The following TECTA variants were observed in gnomAD, a reference collection of about 807,000 sequenced individuals.
The protein encoded by TECTA is alpha-tectorin.
In TECTA, 128 loss-of-function variants were observed where a neutral mutation model predicts 216.8. That is an observed-to-expected ratio of 0.59 (90% CI 0.51 to 0.68). The LOEUF (loss-of-function observed/expected upper bound fraction) is 0.68, where lower values mean the gene tolerates loss of function less well. TECTA is among the 30% of genes least tolerant of loss of function. TECTA has a pLI of 0.00. For missense variants in TECTA, 2,551 were observed against 2,786.2 expected (o/e 0.92, Z 1.90); for synonymous variants, 1,089 against 1,117.1 (o/e 0.97, Z 0.50).
intron 4 of TECTA, among the ~76,000 whole-genome samples, chr11:121,111,897 G>A (rs980344476): frequency 2.0e-5 from 3 of 152,124 alleles, no homozygotes; most frequent in Non-Finnish European, 2.9e-5. Flanking sequence ...GGGAAGAAAA[G>A]TTCTTTACAA....
At chr11:121,145,487 T>C in intron 11 of TECTA, 68 bp from the exon 12 acceptor site, 3 of 1,543,966 alleles carry the variant, frequency 1.9e-6, no homozygotes, top group Non-Finnish European at 2.7e-6. Flanking sequence ...AAGAGACTCA[T>C]CGTTAGGAGA....
chr11:121,137,325 AACACACATGCACTCAT>A, intron 10 of TECTA, 80 bp from the exon 11 acceptor site: 2 of 1,530,928 alleles, frequency 1.3e-6, no homozygotes, highest in South Asian at 1.1e-5. Context: ...TGCACTCACA[AACACACATGCACTCAT>A]ACACACATGC....
chr11:121,176,543 C>T lies in TECTA; in HGVS notation c.5999+7618C>T, dbSNP rs541435343. ...CTTGTAGAGTTTCTGCCAAGAGATCCGCTGTTAGTCTGATGGGCTTCCCTT... is the reference window on the plus strand; with the variant it reads ...CTTGTAGAGTTTCTGCCAAGAGATCTGCTGTTAGTCTGATGGGCTTCCCTT... On this transcript the variant is annotated intron_variant, in intron 20 of 23. Coordinates refer to ENST00000392793, the MANE Select transcript of TECTA (RefSeq NM_005422.4). Among the ~76,000 whole-genome samples, 28 of 116,748 alleles carry T rather than the reference C, an allele frequency of 2.4e-4. 3 individuals carry two copies. Among genetic ancestry groups the T allele is most frequent in the Non-Finnish European group, 3.8e-4 (23 of 61,308 alleles). The allele number at this position is 116,748 out of a possible 152,430, so 76.6% of individuals were successfully genotyped here.
chr11:121,110,564 A>T (rs1467061065), intron 4 of TECTA: 1 of 152,224 alleles, frequency 6.6e-6, no homozygotes, highest in Non-Finnish European at 1.5e-5. Flanking sequence ...ACAGCGATGC[A>T]TTGGCTAGAA....
At chr11:121,116,670 AG>A (rs35187742) in intron 6 of TECTA, among the ~76,000 whole-genome samples, 1 of 152,216 alleles carries the variant, frequency 6.6e-6, no homozygotes, top group African/African-American at 2.4e-5. Flanking sequence ...GGGGTATAGC[AG>A]GGGAAGTGTT....
intron 19 of TECTA, 157 bp from the exon 20 acceptor site, chr11:121,168,520 C>T: frequency 9.6e-7 from 1 of 1,045,638 alleles, no homozygotes. Context: ...ATGTAAATTG[C>T]CCCATGTGGC....
At chr11:121,135,345 C>T (rs910986833) in intron 10 of TECTA, among the ~76,000 whole-genome samples, 4 of 152,224 alleles carry the variant, frequency 2.6e-5, no homozygotes, top group African/African-American at 9.6e-5. Flanking sequence ...TATTACTCCA[C>T]GTCTGTGTGT....
chr11:121,158,066 T>C lies in TECTA; in HGVS notation c.4531T>C (p.Phe1511Leu). The change falls in exon 14 of 24, where the codon TTC becomes CTC. Residue 1511 changes from phenylalanine (F) to leucine (L), a missense_variant. Phe to Leu is a conservative substitution (Grantham distance 22, BLOSUM62 0). Transcript: ENST00000392793. ...AFLRFPANCA[F>L]VLSTICQKLP... ...CCTGCGCTTCCCAGCCAACTGCGCC[T>C]TCGTGCTGTCCACCATCTGCCAGAA... 1 of 1,613,864 alleles carries C rather than the reference T, an allele frequency of 6.2e-7. No individual in the cohort carries two copies. The highest frequency in any genetic ancestry group is 8.5e-7 in the Non-Finnish European group (1 of 1,179,988).
At chr11:121,170,377 G>A (rs1186203985) in intron 20 of TECTA, among the ~76,000 whole-genome samples, 1 of 152,062 alleles carries the variant, frequency 6.6e-6, no homozygotes, top group African/African-American at 2.4e-5. Flanking sequence ...CCCAGTAGTG[G>A]CCTTGCTGGA....
Position 121,109,426 on chromosome 11 carries a change from C to T in TECTA, c.414C>T (p.Thr138=), listed in dbSNP as rs766293936. ...GGAAGTACTTCAAAGACATGGCAAC[C>T]TTCTCTGCCACTTGGGTTTTCATTG... ...DIRKYFKDMA[T]FSATWVFIVT... The change falls in exon 4 of 24, where the codon ACC becomes ACT. Residue 138 remains threonine (T), a synonymous_variant. Coordinates refer to ENST00000392793, the MANE Select transcript of TECTA (RefSeq NM_005422.4). 9 of 1,614,036 alleles carry T rather than the reference C, an allele frequency of 5.6e-6. No individual in the cohort carries two copies. The highest frequency in any genetic ancestry group is 4.0e-5 in the African/African-American group (3 of 74,900).
chr11:121,140,050 C>T (rs958785757), intron 11 of TECTA, among the ~76,000 whole-genome samples: 17 of 152,194 alleles, frequency 1.1e-4, no homozygotes, highest in African/African-American at 4.1e-4. Context: ...CCTTGACATT[C>T]GGTGCTCTTT....
intron 20 of TECTA, among the ~76,000 whole-genome samples, chr11:121,171,654 A>T (rs1434103221): frequency 6.6e-6 from 1 of 151,886 alleles, no homozygotes; most frequent in Non-Finnish European, 1.5e-5. Flanking sequence ...TTATTCCTAG[A>T]TTTCTCATTT....
In TECTA at chr11:121,138,029, A is replaced by T. The variant is rs1433121958; in HGVS notation, c.3543+7A>T. 1 of 1,613,732 alleles carries T rather than the reference A, an allele frequency of 6.2e-7. No individual in the cohort carries two copies. Among genetic ancestry groups the T allele is most frequent in the Non-Finnish European group, 8.5e-7 (1 of 1,179,708 alleles). ...TTACAAGCACACTGTGCTGGTGAGT[A>T]GTCATGAGGTCCCCTCAAAAGGGGA... On this transcript the variant is annotated splice_region_variant and intron_variant, in intron 11 of 23. Coordinates refer to ENST00000392793, the MANE Select transcript of TECTA (RefSeq NM_005422.4).
chr11:121,122,671 C>CCA (rs1946569250), intron 7 of TECTA, among the ~76,000 whole-genome samples: 2 of 50,618 alleles, frequency 4.0e-5, no homozygotes, highest in African/African-American at 9.0e-5. Flanking sequence ...GCCTGTCTCT[C>CCA]CAAAAAAAAA....
Position 121,166,790 on chromosome 11 carries a change from G to A in TECTA, c.5586+10G>A, listed in dbSNP as rs758188608. 3.1e-6 allele frequency: 5 copies of A among 1,613,334 alleles called. No homozygotes were observed. The highest frequency in any genetic ancestry group is 1.6e-4 in the Middle Eastern group (1 of 6,062). ...TGGAAACATTGTGCAGGTGAGAAAA[G>A]CAGCAGGAAAGAGCACCTGGCAGAG... On this transcript the variant is annotated intron_variant, in intron 18 of 23. Transcript: ENST00000392793.
intron 3 of TECTA, among the ~76,000 whole-genome samples, chr11:121,107,560 A>G (rs2135052372): frequency 6.6e-6 from 1 of 152,338 alleles, no homozygotes; most frequent in Non-Finnish European, 1.5e-5. Flanking sequence ...GTTACTGGTT[A>G]ACAGAAACTT....
intron 13 of TECTA, among the ~76,000 whole-genome samples, chr11:121,153,446 C>T (rs1202027991): frequency 2.0e-5 from 3 of 152,188 alleles, no homozygotes; most frequent in South Asian, 4.1e-4. Flanking sequence ...TTTGGATACA[C>T]GGTGGCTGTG....
Position 121,129,685 on chromosome 11 carries a change from G to T in TECTA, c.2415G>T (p.Lys805Asn). 6.2e-7 allele frequency: 1 copy of T among 1,614,228 alleles called. No individual in the cohort carries two copies. Among genetic ancestry groups the T allele is most frequent in the Non-Finnish European group, 8.5e-7 (1 of 1,180,038 alleles). The change falls in exon 10 of 24, where the codon AAG (lysine) becomes AAT (asparagine). Residue 805 changes from lysine to asparagine, a missense_variant. By Grantham distance (94) the Lys-to-Asn change is moderately conservative. This residue lies in a region of TECTA where 2,375 missense variants were observed against 2,563.9 expected (regional missense o/e 0.93). Coordinates refer to ENST00000392793, the MANE Select transcript of TECTA (RefSeq NM_005422.4). The part of the protein sequence containing the change: ...VELPFFHPSG[K>N]LEIYRNKNST... ...TGCCTTTTTTCCATCCTTCGGGGAA[G>T]CTGGAAATTTATCGAAACAAAAACA... is the stretch of plus-strand genomic sequence containing the variant.
chr11:121,147,837 A>G (rs1946853803), intron 12 of TECTA, among the ~76,000 whole-genome samples: 1 of 152,132 alleles, frequency 6.6e-6, no homozygotes, highest in Non-Finnish European at 1.5e-5. Context: ...CCAAAAACCA[A>G]TGCTTCCAAC....
Sources: allele counts gnomAD v4.1 joint callset (sites outside exome capture counted in the v4.1 genomes callset), GRCh38; gene constraint gnomAD v4.1.1; regional missense constraint gnomAD v4.1.1; transcripts MANE v1.5; gene names NCBI Gene and HGNC (gene_info 2026-07-23, HGNC 2026-07-21).